The following SGCZ variants were observed in gnomAD, a reference collection of about 807,000 sequenced individuals.
The protein encoded by SGCZ is sarcoglycan zeta.
A neutral mutation model predicts 41.3 loss-of-function variants in SGCZ; 40 were observed. That is an observed-to-expected ratio of 0.97 (90% CI 0.75 to 1.26). The LOEUF (loss-of-function observed/expected upper bound fraction) is 1.26. Ranked by LOEUF, SGCZ falls within the 50% of genes most tolerant of loss-of-function variation. The probability of loss-of-function intolerance (pLI) is 0.00; values close to 1 mark genes in which losing one functional copy is unlikely to be tolerated. For synonymous variants in SGCZ, 206 were observed against 137.5 expected (o/e 1.50, Z -3.49); for missense variants, 552 against 369.8 (o/e 1.49, Z -4.04).
At chr8:14,600,336 G>A (rs1396886275) in intron 1 of SGCZ, among the ~76,000 whole-genome samples, 1 of 152,022 alleles carries the variant, frequency 6.6e-6, no homozygotes, top group African/African-American at 2.4e-5. Context: ...GACTCAGAAG[G>A]GTAAATCTCC....
chr8:14,763,316 A>G (rs1427002963), intron 1 of SGCZ, among the ~76,000 whole-genome samples: 8 of 152,146 alleles, frequency 5.3e-5, no homozygotes, highest in Non-Finnish European at 1.2e-4. Flanking sequence ...TTTCATTTTA[A>G]TACGGTGGAC....
chr8:14,884,442 A>G (rs1254245396), intron 1 of SGCZ, among the ~76,000 whole-genome samples: 1 of 152,154 alleles, frequency 6.6e-6, no homozygotes, highest in Non-Finnish European at 1.5e-5. Flanking sequence ...CTATAAATAA[A>G]TAGAATCCTC....
intron 1 of SGCZ, among the ~76,000 whole-genome samples, chr8:14,580,607 T>C (rs1804855851): frequency 6.6e-6 from 1 of 152,174 alleles, no homozygotes. Context: ...GAAATACAAC[T>C]GGACTTTTTA....
intron 2 of SGCZ, among the ~76,000 whole-genome samples, chr8:14,502,424 T>G (rs1472757331): frequency 6.6e-6 from 1 of 152,148 alleles, no homozygotes; most frequent in African/African-American, 2.4e-5. Context: ...GGGTTATATC[T>G]ACAATACAAC....
chr8:14,527,159 C>G (rs1461863), intron 2 of SGCZ, among the ~76,000 whole-genome samples: 98,820 of 151,984 alleles, frequency 0.65, 32,608 homozygotes, highest in South Asian at 0.76. Flanking sequence ...TCTTTTCACA[C>G]ACTATGCAAA....
At chr8:14,418,473 A>G (rs12545811) in intron 2 of SGCZ, among the ~76,000 whole-genome samples, 86,148 of 151,648 alleles carry the variant, frequency 0.57, 25,330 homozygotes, top group South Asian at 0.75. Flanking sequence ...CAGGAAGATT[A>G]CACATTTCTG....
intron 1 of SGCZ, among the ~76,000 whole-genome samples, chr8:14,898,117 G>T (rs768864374): frequency 7.3e-5 from 11 of 150,444 alleles, no homozygotes; most frequent in Admixed American, 1.3e-4. Flanking sequence ...AAAAAAAAAA[G>T]AATCAACATT....
At chr8:14,953,471 A>T (rs1203591152) in intron 1 of SGCZ, among the ~76,000 whole-genome samples, 3 of 152,154 alleles carry the variant, frequency 2.0e-5, no homozygotes, top group South Asian at 4.1e-4. Context: ...CAGAGCCAAC[A>T]CATATTATCA....
At chr8:14,308,323 A>G (rs1319983304) in intron 3 of SGCZ, among the ~76,000 whole-genome samples, 1 of 152,154 alleles carries the variant, frequency 6.6e-6, no homozygotes, top group Non-Finnish European at 1.5e-5. Flanking sequence ...TGATGACAAT[A>G]AACAATGAGC....
At chr8:14,112,283 T>TC (rs1251785331) in intron 5 of SGCZ, among the ~76,000 whole-genome samples, 1 of 113,804 alleles carries the variant, frequency 8.8e-6, no homozygotes, top group Non-Finnish European at 1.8e-5. Context: ...TTTTTTTTTG[T>TC]GGGGGGGGGG....
chr8:14,960,974 C>A (rs1800946587), intron 1 of SGCZ, among the ~76,000 whole-genome samples: 3 of 150,350 alleles, frequency 2.0e-5, no homozygotes, highest in Non-Finnish European at 4.4e-5. Flanking sequence ...CTCACTCAAG[C>A]AGAAATCACA....
chr8:15,063,028 T>C (rs1804995038), intron 1 of SGCZ, among the ~76,000 whole-genome samples: 1 of 152,058 alleles, frequency 6.6e-6, no homozygotes. Flanking sequence ...TGAAGCCATT[T>C]AATATATTTC....
intron 1 of SGCZ, among the ~76,000 whole-genome samples, chr8:14,885,860 T>G (rs1310784942): frequency 1.3e-5 from 2 of 151,378 alleles, no homozygotes; most frequent in Non-Finnish European, 2.9e-5. Flanking sequence ...AGAAGAGAAT[T>G]TGGGAAGAAC....
At position 15,172,306 on chromosome 8, in the gene SGCZ, C is replaced by T. The variant is rs534874661; in HGVS notation, c.39+65279G>A. Among the ~76,000 whole-genome samples the T allele has an allele frequency of 2.4e-4, 36 of 150,432 alleles. 1 individual carries two copies. In the South Asian group the frequency reaches 6.9e-3, roughly 29 times the overall value. On this transcript the variant is annotated intron_variant, in intron 1 of 7. Transcript: ENST00000382080. ...CCTCCCGAGTAGCTGGGACTACAGG[C>T]GCGCGCCACCATGCCCGGCTAATTT...
At chr8:15,069,680 A>G (rs185583688) in intron 1 of SGCZ, among the ~76,000 whole-genome samples, 109 of 152,318 alleles carry the variant, frequency 7.2e-4, no homozygotes, top group African/African-American at 2.5e-3. Flanking sequence ...CCAAACTTAC[A>G]GTCTTCTCCA....
At chr8:14,330,395 A>C (rs544346209) in intron 2 of SGCZ, among the ~76,000 whole-genome samples, 297 of 152,216 alleles carry the variant, frequency 2.0e-3, no homozygotes, top group African/African-American at 6.9e-3. Context: ...AAATTTATAG[A>C]ATTTGTCTTT....
intron 1 of SGCZ, among the ~76,000 whole-genome samples, chr8:14,696,800 A>G (rs754289900): frequency 1.3e-5 from 2 of 151,816 alleles, no homozygotes; most frequent in Non-Finnish European, 3.0e-5. Flanking sequence ...GTATCCTGGA[A>G]TACACCTTTA....
At chr8:14,228,281 G>T (rs13262425) in intron 4 of SGCZ, among the ~76,000 whole-genome samples, 1 of 151,798 alleles carries the variant, frequency 6.6e-6, no homozygotes, top group Non-Finnish European at 1.5e-5. Flanking sequence ...AACAATACTT[G>T]GTTAAGTATA....
At chr8:14,306,993 T>C (rs1368809074) in intron 3 of SGCZ, among the ~76,000 whole-genome samples, 3 of 152,208 alleles carry the variant, frequency 2.0e-5, no homozygotes, top group Non-Finnish European at 4.4e-5. Context: ...TCACTAATTA[T>C]ACCTAAGTTA....
Sources: allele counts gnomAD v4.1 joint callset (sites outside exome capture counted in the v4.1 genomes callset), GRCh38; gene constraint gnomAD v4.1.1; transcripts MANE v1.5; gene names NCBI Gene and HGNC (gene_info 2026-07-23, HGNC 2026-07-21).